Variants in SLC23A2 observed in about 807,000 individuals in gnomAD.
SLC23A2 encodes the protein solute carrier family 23 member 2.
SLC23A2 carries 36 observed loss-of-function variants against 73.3 expected under a neutral mutation model. The observed-to-expected ratio is 0.49, with a 90% CI of 0.38 to 0.65. The LOEUF is 0.65. SLC23A2 is among the 30% of genes least tolerant of loss of function. SLC23A2 has a pLI of 0.00. For synonymous variants in SLC23A2, 343 were observed against 327.3 expected (o/e 1.05, Z -0.52); for missense variants, 507 against 841.6 (o/e 0.60, Z 4.92).
chr20:4,873,822 T>G, intron 11 of SLC23A2, 114 bp downstream of exon 11: 1 of 1,056,188 alleles, frequency 9.5e-7, no homozygotes, highest in Non-Finnish European at 1.4e-6. Flanking sequence ...CTGACCAGAA[T>G]GGCAAGGCCT....
At chr20:5,002,973 G>T (rs770819031), upstream of SLC23A2, among the ~76,000 whole-genome samples, 9 of 152,224 alleles carry the variant, frequency 5.9e-5, no homozygotes, top group Admixed American at 1.3e-4. Flanking sequence ...ACCTGTCTCA[G>T]ATATTTGAAG....
At chr20:4,900,051 T>A (rs148228525) in intron 5 of SLC23A2, among the ~76,000 whole-genome samples, 2 of 151,736 alleles carry the variant, frequency 1.3e-5, no homozygotes, top group South Asian at 2.1e-4. Context: ...TTGTATTTTT[T>A]GTAGCGATGG....
At chr20:4,911,876 C>T (rs1932162190) in intron 4 of SLC23A2, among the ~76,000 whole-genome samples, 2 of 152,028 alleles carry the variant, frequency 1.3e-5, no homozygotes, top group South Asian at 4.1e-4. Context: ...CAGGGTCTTA[C>T]TCTGTCTTCC....
At chr20:4,906,856 GTTT>G (rs748060029) in intron 4 of SLC23A2, among the ~76,000 whole-genome samples, 4 of 152,128 alleles carry the variant, frequency 2.6e-5, no homozygotes, top group Non-Finnish European at 5.9e-5. Flanking sequence ...TATGGAAATT[GTTT>G]GGATGATTTG....
At chr20:4,917,741 G>A (rs1011598702) in intron 3 of SLC23A2, among the ~76,000 whole-genome samples, 3 of 152,160 alleles carry the variant, frequency 2.0e-5, no homozygotes, top group Non-Finnish European at 4.4e-5. Flanking sequence ...CAGCTGAGAT[G>A]TAGCTCTCCT....
In SLC23A2 at chr20:4,951,812, G is replaced by C. The variant is rs534380269; in HGVS notation, c.-155+18981C>G. Among the ~76,000 whole-genome samples the C allele has an allele frequency of 2.6e-5, 4 of 152,166 alleles. No individual in the cohort carries two copies. In the South Asian group the frequency reaches 8.3e-4, roughly 32 times the overall value. ...CACCTCAATAAAACTTTTTCAAAAA[G>C]AACAAATGAGGTCGGGTGTGGTGGC... is the stretch of plus-strand genomic sequence containing the variant. On this transcript the variant is annotated intron_variant, in intron 2 of 16. Transcript: ENST00000338244.
chr20:4,933,505 T>G (rs1932811827), intron 2 of SLC23A2, among the ~76,000 whole-genome samples: 1 of 151,948 alleles, frequency 6.6e-6, no homozygotes, highest in East Asian at 1.9e-4. Context: ...GGTGCACGCC[T>G]GTAATCCCAG....
intron 3 of SLC23A2, among the ~76,000 whole-genome samples, chr20:4,919,795 G>A (rs1443457942): frequency 6.6e-6 from 1 of 152,096 alleles, no homozygotes; most frequent in Non-Finnish European, 1.5e-5. Context: ...CTTTCCAGGT[G>A]CTAACACATT....
chr20:4,927,004 A>G (rs1932695810), intron 3 of SLC23A2, among the ~76,000 whole-genome samples: 1 of 151,864 alleles, frequency 6.6e-6, no homozygotes, highest in Non-Finnish European at 1.5e-5. Context: ...CTTTCTCTAG[A>G]TGCCTTAACA....
At chr20:4,954,557 G>A (rs1436445504) in intron 2 of SLC23A2, among the ~76,000 whole-genome samples, 4 of 151,918 alleles carry the variant, frequency 2.6e-5, no homozygotes, top group Non-Finnish European at 4.4e-5. Flanking sequence ...AATTAGCCAC[G>A]CGTGGTGGCG....
At position 4,997,792 on chromosome 20, in the gene SLC23A2, T is replaced by TTTTTATTTTA. The variant is rs58117784; in HGVS notation, c.-282+3604_-282+3613dup. Among the ~76,000 whole-genome samples, 1,301 of 150,320 alleles carry TTTTTATTTTA rather than the reference T, an allele frequency of 8.7e-3. 8 individuals are homozygous for TTTTTATTTTA. Among genetic ancestry groups the TTTTTATTTTA allele is most frequent in the Middle Eastern group, 0.024 (7 of 294 alleles). Reference sequence around the variant, plus strand: ...GGCACTACTACCACGTCCAGCGAATTTTTTATTTTATTTTATTTTATTTTG... The same window carrying TTTTTATTTTA: ...GGCACTACTACCACGTCCAGCGAATTTTTTATTTTATTTTATTTTATTTTATTTTATTTTG... On this transcript the variant is annotated intron_variant, in intron 1 of 16. Transcript: ENST00000338244.
intron 2 of SLC23A2, among the ~76,000 whole-genome samples, chr20:4,956,295 A>G (rs368514524): frequency 6.6e-6 from 1 of 152,210 alleles, no homozygotes; most frequent in South Asian, 2.1e-4. Flanking sequence ...TAAAACAACA[A>G]AAGAGATTCA....
chr20:4,972,166 A>C (rs2087570881), intron 1 of SLC23A2, among the ~76,000 whole-genome samples: 1 of 152,204 alleles, frequency 6.6e-6, no homozygotes, highest in South Asian at 2.1e-4. Flanking sequence ...TTGTGAAGAA[A>C]AACGTGCAAG....
chr20:4,974,270 T>A (rs2087609749), intron 1 of SLC23A2, among the ~76,000 whole-genome samples: 1 of 151,890 alleles, frequency 6.6e-6, no homozygotes, highest in Admixed American at 6.6e-5. Flanking sequence ...CAGGAGTTGG[T>A]CAGCCTGACC....
At chr20:4,937,452 C>A (rs886345417) in intron 2 of SLC23A2, among the ~76,000 whole-genome samples, 2 of 152,056 alleles carry the variant, frequency 1.3e-5, no homozygotes, top group African/African-American at 2.4e-5. Flanking sequence ...ATCATGATGG[C>A]GACAATGGCA....
Position 4,902,775 on chromosome 20 carries a change from C to T in SLC23A2, c.208-217G>A, listed in dbSNP as rs1255259635. On this transcript the variant is annotated intron_variant, in intron 4 of 16. Coordinates refer to ENST00000338244, the MANE Select transcript of SLC23A2 (RefSeq NM_005116.6). This position sits in a 1 kb window ranked among gnomAD's most constrained non-coding sequence, Gnocchi z 4.0. ...CAATCCTCAGAATTTGGGGGGTCAG[C>T]GTCCTTGGGCAACATCTCATCCCTG... Among the ~76,000 whole-genome samples the T allele has an allele frequency of 6.6e-6, 1 of 152,082 alleles. No homozygotes were observed. The highest frequency in any genetic ancestry group is 1.5e-5 in the Non-Finnish European group (1 of 68,000).
chr20:4,907,559 CA>C (rs1932000752), intron 4 of SLC23A2, among the ~76,000 whole-genome samples: 1 of 151,956 alleles, frequency 6.6e-6, no homozygotes, highest in South Asian at 2.1e-4. Flanking sequence ...AGACTTTAAC[CA>C]GTAAACAAAA....
intron 1 of SLC23A2, among the ~76,000 whole-genome samples, chr20:4,979,946 G>A (rs1275745393): frequency 1.3e-5 from 2 of 151,580 alleles, no homozygotes; most frequent in African/African-American, 4.8e-5. Context: ...AAATCACCAG[G>A]AAAGAGAGAC....
chr20:4,991,061 G>C (rs147406239), intron 1 of SLC23A2, among the ~76,000 whole-genome samples: 6 of 151,860 alleles, frequency 4.0e-5, no homozygotes, highest in Admixed American at 1.3e-4. Context: ...TAGTAATAGC[G>C]GGTGGGAGGG....
Sources: allele counts gnomAD v4.1 joint callset (sites outside exome capture counted in the v4.1 genomes callset), GRCh38; gene constraint gnomAD v4.1.1; non-coding constraint Gnocchi (gnomAD v3.1); transcripts MANE v1.5; gene names NCBI Gene and HGNC (gene_info 2026-07-23, HGNC 2026-07-21).